PDGFD: variants seen among roughly 807,000 people sequenced by gnomAD.
PDGFD encodes platelet-derived growth factor D.
In PDGFD, 30 loss-of-function variants were observed where a neutral mutation model predicts 44.7. That is an observed-to-expected ratio of 0.67 (90% CI 0.50 to 0.91). The LOEUF (loss-of-function observed/expected upper bound fraction) is 0.91, where lower values mean the gene tolerates loss of function less well. PDGFD is among the 40% of genes least tolerant of loss of function. PDGFD has a pLI of 0.00. For synonymous variants in PDGFD, 173 were observed against 168.4 expected, an observed-to-expected ratio of 1.03 and a Z score of -0.21; for missense variants, 445 against 457.8, an observed-to-expected ratio of 0.97 and a Z score of 0.25.
At chr11:104,099,927 G>T (rs1239900121) in intron 1 of PDGFD, among the ~76,000 whole-genome samples, 1 of 152,038 alleles carries the variant, frequency 6.6e-6, no homozygotes, top group Non-Finnish European at 1.5e-5. Flanking sequence ...TCTGCAAAAT[G>T]CTAATGGGTA....
At chr11:103,966,200 A>C (rs2134340611) in intron 3 of PDGFD, among the ~76,000 whole-genome samples, 1 of 152,296 alleles carries the variant, frequency 6.6e-6, no homozygotes, top group Non-Finnish European at 1.5e-5. Context: ...GGGTGGAGGA[A>C]GAGGGAAGAA....
chr11:104,153,212 ACTCT>A (rs1053372048), intron 1 of PDGFD, among the ~76,000 whole-genome samples: 4 of 151,646 alleles, frequency 2.6e-5, no homozygotes, highest in Admixed American at 6.6e-5. Context: ...GAATTTAAAC[ACTCT>A]CTCTCTCTCA....
At chr11:103,991,060 A>T (rs1228018651) in intron 3 of PDGFD, among the ~76,000 whole-genome samples, 1 of 151,852 alleles carries the variant, frequency 6.6e-6, no homozygotes, top group Non-Finnish European at 1.5e-5. Flanking sequence ...AATGGCAGGA[A>T]CCCAGGAGAC....
chr11:104,007,203 C>T (rs189380543), intron 1 of PDGFD, among the ~76,000 whole-genome samples: 447 of 152,236 alleles, frequency 2.9e-3, no homozygotes, highest in African/African-American at 9.9e-3. Context: ...GCTCACTTTT[C>T]TATTTCCGAC....
intron 3 of PDGFD, among the ~76,000 whole-genome samples, chr11:103,948,425 A>G (rs552363631): frequency 1.3e-5 from 2 of 152,364 alleles, no homozygotes; most frequent in East Asian, 3.9e-4. Flanking sequence ...GCAATAGATC[A>G]CACAGAAAAA....
intron 1 of PDGFD, among the ~76,000 whole-genome samples, chr11:104,024,423 G>A (rs988094622): frequency 1.6e-4 from 24 of 152,254 alleles, no homozygotes; most frequent in African/African-American, 5.8e-4. Flanking sequence ...ACTTAAGCTG[G>A]TGTATCTCTA....
At chr11:103,976,381 A>G (rs1266338040) in intron 3 of PDGFD, among the ~76,000 whole-genome samples, 2 of 152,128 alleles carry the variant, frequency 1.3e-5, no homozygotes, top group African/African-American at 2.4e-5. Context: ...TTGATTTTGT[A>G]TCCTGAGACT....
chr11:103,930,425 T>C, intron 5 of PDGFD, among the ~76,000 whole-genome samples: 1 of 152,160 alleles, frequency 6.6e-6, no homozygotes, highest in East Asian at 1.9e-4. Flanking sequence ...TTTTTGATCC[T>C]GGCCATCTAG....
intron 5 of PDGFD, among the ~76,000 whole-genome samples, chr11:103,932,294 T>A (rs1306120530): frequency 1.3e-5 from 2 of 152,198 alleles, no homozygotes; most frequent in African/African-American, 4.8e-5. Flanking sequence ...ATAAATTATA[T>A]GAGCTATTAA....
In PDGFD at chr11:103,913,825, C is replaced by T. The variant is rs369377266; in HGVS notation, c.988-4006G>A. On this transcript the variant is annotated intron_variant, in intron 6 of 6. Transcript: ENST00000393158. ...AAAATGATAAAGGGGATATCACCACCGATCCCACAGAAATACAAACTATTA... is the reference window on the plus strand; with the variant it reads ...AAAATGATAAAGGGGATATCACCACTGATCCCACAGAAATACAAACTATTA... 9.3e-4 allele frequency among the ~76,000 whole-genome samples: 141 copies of T among 152,108 alleles called. 2 individuals carry two copies. The South Asian group carries it at 0.026, about 28-fold the overall frequency.
intron 3 of PDGFD, among the ~76,000 whole-genome samples, chr11:103,981,542 C>G (rs1021744788): frequency 6.6e-6 from 1 of 151,698 alleles, no homozygotes; most frequent in Non-Finnish European, 1.5e-5. Flanking sequence ...CTTTATAATG[C>G]AGATGAATCC....
chr11:104,118,414 A>C (rs1209946954), intron 1 of PDGFD, among the ~76,000 whole-genome samples: 1 of 151,904 alleles, frequency 6.6e-6, no homozygotes, highest in Non-Finnish European at 1.5e-5. Flanking sequence ...TTCATCTTCG[A>C]CTTCCCAGCA....
chr11:104,052,162 G>T (rs1029198647), intron 1 of PDGFD, among the ~76,000 whole-genome samples: 2 of 152,084 alleles, frequency 1.3e-5, no homozygotes, highest in Non-Finnish European at 2.9e-5. Context: ...ATGTCTTCAA[G>T]ACTTATCCAT....
At chr11:104,134,007 T>C (rs1395592543) in intron 1 of PDGFD, among the ~76,000 whole-genome samples, 2 of 152,220 alleles carry the variant, frequency 1.3e-5, no homozygotes, top group African/African-American at 4.8e-5. Context: ...CTTGTTTCTC[T>C]GAATGAATCT....
At chr11:103,911,001 A>G (rs1246499735) in intron 6 of PDGFD, among the ~76,000 whole-genome samples, 1 of 152,260 alleles carries the variant, frequency 6.6e-6, no homozygotes, top group Non-Finnish European at 1.5e-5. Context: ...ACCGCAGCTC[A>G]GCAAGGCCGC....
At chr11:104,020,361 C>T (rs1454196367) in intron 1 of PDGFD, among the ~76,000 whole-genome samples, 1 of 151,960 alleles carries the variant, frequency 6.6e-6, no homozygotes, top group Non-Finnish European at 1.5e-5. Flanking sequence ...TGATTCTATC[C>T]ATTTAATCTT....
chr11:103,929,752 C>A (rs769051461), intron 5 of PDGFD, among the ~76,000 whole-genome samples: 16 of 152,300 alleles, frequency 1.1e-4, no homozygotes, highest in Non-Finnish European at 1.9e-4. Flanking sequence ...AGCGTGATTG[C>A]AGACTTTCTG....
At chr11:104,097,632 A>G (rs1861305780) in intron 1 of PDGFD, among the ~76,000 whole-genome samples, 9 of 152,192 alleles carry the variant, frequency 5.9e-5, no homozygotes, top group Admixed American at 5.9e-4. Context: ...ATAATAACTT[A>G]TATTTGTAGT....
chr11:104,105,998 T>C (rs1426679337), intron 1 of PDGFD, among the ~76,000 whole-genome samples: 3 of 152,160 alleles, frequency 2.0e-5, no homozygotes, highest in African/African-American at 4.8e-5. Flanking sequence ...CAAATAAGCA[T>C]AGTGTTTACA....
Sources: allele counts gnomAD v4.1 joint callset (sites outside exome capture counted in the v4.1 genomes callset), GRCh38; gene constraint gnomAD v4.1.1; transcripts MANE v1.5; gene names NCBI Gene and HGNC (gene_info 2026-07-23, HGNC 2026-07-21).